The following CEP83 variants were observed in gnomAD, a reference collection of about 807,000 sequenced individuals.
CEP83 encodes centrosomal protein of 83 kDa.
CEP83 carries 70 observed loss-of-function variants against 101.9 expected under a neutral mutation model. That is an observed-to-expected ratio of 0.69 (90% CI 0.57 to 0.84). The LOEUF (loss-of-function observed/expected upper bound fraction) is 0.84, where lower values mean the gene tolerates loss of function less well. Among genes scored for constraint, CEP83 ranks in the 40% least tolerant of loss-of-function variants. The pLI is 0.00. For missense variants in CEP83, 715 were observed against 787.2 expected (o/e 0.91, Z 1.10); for synonymous variants, 264 against 267.9 (o/e 0.99, Z 0.14).
intron 2 of CEP83, among the ~76,000 whole-genome samples, chr12:94,432,968 G>A (rs1053797822): frequency 6.6e-6 from 1 of 152,186 alleles, no homozygotes; most frequent in Non-Finnish European, 1.5e-5. Flanking sequence ...AATTCTGCTA[G>A]TGAAGCTGCC....
At chr12:94,389,909 AG>A (rs1357247554) in intron 6 of CEP83, among the ~76,000 whole-genome samples, 2 of 151,846 alleles carry the variant, frequency 1.3e-5, no homozygotes, top group African/African-American at 4.8e-5. Flanking sequence ...GCACCCTGGC[AG>A]GGGGAGGGGT....
intron 16 of CEP83, among the ~76,000 whole-genome samples, chr12:94,309,417 C>A (rs1214027448): frequency 6.6e-6 from 1 of 152,130 alleles, no homozygotes; most frequent in Non-Finnish European, 1.5e-5. Flanking sequence ...TTGGATTCAA[C>A]AGGTTTAGGT....
At chr12:94,289,715 G>A in the CEP83 span, among the ~76,000 whole-genome samples, 2 of 152,060 alleles carry the variant, frequency 1.3e-5, no homozygotes, top group African/African-American at 2.4e-5. Flanking sequence ...AAAAGAAAAC[G>A]GAAACCTTTC....
At chr12:94,327,763 A>T (rs1450188243) in intron 14 of CEP83, among the ~76,000 whole-genome samples, 4 of 152,152 alleles carry the variant, frequency 2.6e-5, no homozygotes. Context: ...TCATTCCTAT[A>T]TTCCAAGCCC....
chr12:94,312,628 T>C, intron 15 of CEP83: 11 of 985,394 alleles, frequency 1.1e-5, no homozygotes, highest in Non-Finnish European at 1.3e-5. Context: ...TACAACTGTC[T>C]TGTACAGCAG....
downstream of CEP83, chr12:94,304,287 T>C (rs1347573120): frequency 7.5e-6 from 3 of 397,772 alleles, no homozygotes; most frequent in Non-Finnish European, 1.4e-5. Context: ...TTTGAGTTCA[T>C]GGGGCCTACA....
intron 2 of CEP83, among the ~76,000 whole-genome samples, chr12:94,418,786 C>A (rs1462807322): frequency 6.6e-6 from 1 of 152,096 alleles, no homozygotes; most frequent in Non-Finnish European, 1.5e-5. Context: ...AAATTATATA[C>A]TTTAAAATAG....
rs527376105 is a variant in CEP83 at position 94,441,209 on chromosome 12, A to G, written c.-154-5882T>C. 3.0e-4 allele frequency among the ~76,000 whole-genome samples: 45 copies of G among 152,368 alleles called. 1 individual carries two copies. Among genetic ancestry groups the G allele is most frequent in the African/African-American group, 1.0e-3 (43 of 41,584 alleles). ...AAACTAAAAAGCTTCTGCACAGCAA[A>G]AGAAATAATCAGCAGAGTGAACAGG... On this transcript the variant is annotated intron_variant, in intron 1 of 16. Coordinates refer to ENST00000397809, the MANE Select transcript of CEP83 (RefSeq NM_016122.3).
chr12:94,343,428 CA>C (rs1446928550), intron 11 of CEP83, among the ~76,000 whole-genome samples: 1 of 136,922 alleles, frequency 7.3e-6, no homozygotes, highest in Non-Finnish European at 1.6e-5. Flanking sequence ...AGAAAGAGTA[CA>C]AACAATATTG....
At chr12:94,346,170 C>A (rs868766214) in intron 11 of CEP83, among the ~76,000 whole-genome samples, 18 of 152,216 alleles carry the variant, frequency 1.2e-4, no homozygotes, top group Middle Eastern at 3.4e-3. Context: ...CTGCCTCAGC[C>A]TCCCGAGTAG....
intron 2 of CEP83, chr12:94,424,600 C>T (rs757790414): frequency 6.2e-7 from 1 of 1,613,574 alleles, no homozygotes; most frequent in Non-Finnish European, 8.5e-7. Context: ...CCATCTGTGC[C>T]TGTACACCAC....
intron 6 of CEP83, among the ~76,000 whole-genome samples, chr12:94,383,359 G>T (rs956853093): frequency 1.3e-5 from 2 of 151,990 alleles, no homozygotes; most frequent in Admixed American, 1.3e-4. Context: ...TGCAGTTTAT[G>T]CCGGCAACAC....
At position 94,331,647 on chromosome 12, in the gene CEP83, C is replaced by T. The variant is rs868607688; in HGVS notation, c.1707+53G>A. The T allele has an allele frequency of 3.2e-6, 5 of 1,573,700 alleles. No individual in the cohort carries two copies. In the South Asian group the frequency reaches 5.6e-5, roughly 18 times the overall value. The stretch of plus-strand genomic sequence containing the variant: ...TCCGCCTCCCAAAGTGCTGGGATTA[C>T]AGGTGTGAGCCACCATGCCTGGCCA... On this transcript the variant is annotated intron_variant, in intron 14 of 16. Transcript: ENST00000397809.
the CEP83 span, among the ~76,000 whole-genome samples, chr12:94,300,462 C>T: frequency 4.8e-4 from 73 of 152,130 alleles, no homozygotes; most frequent in Admixed American, 1.3e-3. Flanking sequence ...GGAATGAGCG[C>T]GGTGAGGAGC....
chr12:94,409,678 C>G (rs2137743601), intron 4 of CEP83, among the ~76,000 whole-genome samples: 1 of 152,248 alleles, frequency 6.6e-6, no homozygotes, highest in African/African-American at 2.4e-5. Context: ...TGTTCTTTCA[C>G]AGTTTTGGAG....
chr12:94,269,960 A>G, the CEP83 span, among the ~76,000 whole-genome samples: 2 of 152,240 alleles, frequency 1.3e-5, no homozygotes, highest in African/African-American at 4.8e-5. Context: ...TTTCCTCTTC[A>G]TACACTTTCT....
At chr12:94,280,798 G>C in the CEP83 span, among the ~76,000 whole-genome samples, 1 of 152,226 alleles carries the variant, frequency 6.6e-6, no homozygotes, top group Non-Finnish European at 1.5e-5. Context: ...TGGTCCTGCC[G>C]CTGATGAGTA....
At chr12:94,337,640 G>A (rs754907616) in intron 11 of CEP83, among the ~76,000 whole-genome samples, 3 of 152,020 alleles carry the variant, frequency 2.0e-5, no homozygotes, top group African/African-American at 2.4e-5. Flanking sequence ...TATAACAGAC[G>A]TACAAGGAAC....
intron 11 of CEP83, among the ~76,000 whole-genome samples, chr12:94,355,493 A>T (rs1212990944): frequency 6.6e-6 from 1 of 152,254 alleles, no homozygotes; most frequent in Non-Finnish European, 1.5e-5. Context: ...TCCGTCTCAA[A>T]AAAAAAGAAA....
Sources: gnomAD v4.1 joint callset for allele counts (sites outside exome capture counted in the v4.1 genomes callset) on GRCh38, gnomAD v4.1.1 for gene constraint, MANE v1.5 for transcripts, NCBI Gene and HGNC (gene_info 2026-07-23, HGNC 2026-07-21) for gene names.